CEP97: variants seen among roughly 807,000 people sequenced by gnomAD.
CEP97 encodes the protein centrosomal protein 97.
A neutral mutation model predicts 73.1 loss-of-function variants in CEP97; 43 were observed. The observed-to-expected ratio is 0.59, with a 90% confidence interval of 0.46 to 0.76. CEP97 has a LOEUF of 0.76. CEP97 is among the 30% of genes least tolerant of loss of function. The pLI, the probability that CEP97 is intolerant of heterozygous loss-of-function variation, is 0.00. For synonymous variants in CEP97, 337 were observed against 370.0 expected (o/e 0.91, Z 1.02); for missense variants, 939 against 1,014.0 (o/e 0.93, Z 1.00).
intron 6 of CEP97, among the ~76,000 whole-genome samples, chr3:101,733,302 A>T (rs1938171655): frequency 6.6e-6 from 1 of 151,990 alleles, no homozygotes; most frequent in African/African-American, 2.4e-5. Flanking sequence ...AGTCTCACAA[A>T]AGCTTGTAAT....
chr3:101,731,559 A>T (rs1292834353), intron 4 of CEP97, among the ~76,000 whole-genome samples: 1 of 152,198 alleles, frequency 6.6e-6, no homozygotes, highest in Non-Finnish European at 1.5e-5. Context: ...TCAGTGTCTC[A>T]TAAGTTAAAT....
chr3:101,730,521 C>T (rs1938075069), intron 4 of CEP97, among the ~76,000 whole-genome samples: 1 of 151,654 alleles, frequency 6.6e-6, no homozygotes, highest in Non-Finnish European at 1.5e-5. Context: ...GCCTCGGCCT[C>T]CCAAAGTGTT....
intron 4 of CEP97, among the ~76,000 whole-genome samples, chr3:101,730,053 G>A (rs1406775320): frequency 2.0e-5 from 3 of 152,050 alleles, no homozygotes; most frequent in South Asian, 2.1e-4. Context: ...TGATCCTCCT[G>A]CCTTGGCCTC....
intron 7 of CEP97, among the ~76,000 whole-genome samples, chr3:101,756,522 C>T (rs971773201): frequency 6.6e-6 from 1 of 151,800 alleles, no homozygotes; most frequent in East Asian, 1.9e-4. Context: ...ACTACAGGCA[C>T]GCACCACCAA....
intron 10 of CEP97, among the ~76,000 whole-genome samples, chr3:101,763,685 TA>T (rs1560022546): frequency 6.6e-6 from 1 of 152,214 alleles, no homozygotes; most frequent in Non-Finnish European, 1.5e-5. Flanking sequence ...CTTTAGAAAT[TA>T]GGGGTCATAT....
intron 6 of CEP97, among the ~76,000 whole-genome samples, chr3:101,753,732 G>A (rs1173819420): frequency 1.3e-5 from 2 of 152,230 alleles, no homozygotes; most frequent in Non-Finnish European, 2.9e-5. Flanking sequence ...ATCTCCTGGT[G>A]CACCGTTTTT....
intron 10 of CEP97, among the ~76,000 whole-genome samples, chr3:101,763,730 G>A (rs1274456144): frequency 6.6e-6 from 1 of 152,148 alleles, no homozygotes; most frequent in Non-Finnish European, 1.5e-5. Flanking sequence ...AGGTATTTTA[G>A]AAAGTTGCAT....
intron 9 of CEP97, among the ~76,000 whole-genome samples, chr3:101,760,633 C>G (rs566845674): frequency 3.2e-4 from 48 of 152,094 alleles, no homozygotes; most frequent in African/African-American, 1.1e-3. Context: ...TCTTGAACTC[C>G]TGGGTTCAAG....
At chr3:101,732,371 C>A in intron 5 of CEP97, 117 bp from the exon 6 acceptor site, 1 of 708,688 alleles carries the variant, frequency 1.4e-6, no homozygotes, top group Non-Finnish European at 2.3e-6. Flanking sequence ...TGTCACTTTT[C>A]AGAACAAGAG....
At position 101,727,199 on chromosome 3, in the gene CEP97, G is replaced by T. The variant is rs548330340; in HGVS notation, c.187-184G>T. Among the ~76,000 whole-genome samples the T allele has an allele frequency of 2.0e-5, 3 of 152,166 alleles. No individual in the cohort carries two copies. The South Asian group carries it at 6.2e-4, about 32-fold the overall frequency. On this transcript the variant is annotated intron_variant, in intron 2 of 10. Coordinates refer to ENST00000341893, the MANE Select transcript of CEP97 (RefSeq NM_024548.4). Reference sequence around the variant, plus strand: ...CTCAGCTTTATCTGTATTTTCTATTGCCCAGGAACAATAACAAAAAACTGA... The same window carrying T: ...CTCAGCTTTATCTGTATTTTCTATTTCCCAGGAACAATAACAAAAAACTGA...
At chr3:101,726,051 C>A (rs1937877115) in intron 1 of CEP97, among the ~76,000 whole-genome samples, 1 of 152,102 alleles carries the variant, frequency 6.6e-6, no homozygotes, top group Non-Finnish European at 1.5e-5. Flanking sequence ...TACTAAAGTG[C>A]CTTATTGAGT....
At chr3:101,737,423 A>C (rs1047704340) in intron 6 of CEP97, among the ~76,000 whole-genome samples, 7 of 152,212 alleles carry the variant, frequency 4.6e-5, no homozygotes, top group Non-Finnish European at 7.3e-5. Flanking sequence ...GAAGGAAAAA[A>C]TGTTAAGGGC....
At chr3:101,743,571 T>G (rs995947680) in intron 6 of CEP97, among the ~76,000 whole-genome samples, 1 of 152,084 alleles carries the variant, frequency 6.6e-6, no homozygotes, top group Non-Finnish European at 1.5e-5. Flanking sequence ...CATTTTTAAA[T>G]TTTTAGTTCA....
At chr3:101,763,553 G>A (rs993575708) in intron 10 of CEP97, among the ~76,000 whole-genome samples, 1 of 152,164 alleles carries the variant, frequency 6.6e-6, no homozygotes, top group East Asian at 1.9e-4. Context: ...AAGTCTGGAA[G>A]GATATGCATC....
intron 9 of CEP97, 72 bp downstream of exon 9, chr3:101,758,495 A>G: frequency 6.5e-7 from 1 of 1,541,464 alleles, no homozygotes; most frequent in East Asian, 2.3e-5. Context: ...TTGATTCAGA[A>G]CACTGTGCTT....
chr3:101,739,075 A>G (rs1222397406), intron 6 of CEP97, among the ~76,000 whole-genome samples: 1 of 152,216 alleles, frequency 6.6e-6, no homozygotes, highest in Non-Finnish European at 1.5e-5. Flanking sequence ...TCTAGAAGAA[A>G]TCAATACATT....
chr3:101,760,931 C>G (rs1939156627), intron 9 of CEP97, among the ~76,000 whole-genome samples: 1 of 151,992 alleles, frequency 6.6e-6, no homozygotes, highest in Non-Finnish European at 1.5e-5. Context: ...GGTGCGATCT[C>G]AGCTCATTGC....
At chr3:101,763,595 G>A (rs577801100) in intron 10 of CEP97, among the ~76,000 whole-genome samples, 17 of 152,200 alleles carry the variant, frequency 1.1e-4, no homozygotes, top group African/African-American at 4.1e-4. Flanking sequence ...TTGGGCGGGG[G>A]GTCAAAGGGA....
chr3:101,725,892 T>C (rs1236181964), intron 1 of CEP97, among the ~76,000 whole-genome samples: 1 of 148,942 alleles, frequency 6.7e-6, no homozygotes, highest in Non-Finnish European at 1.5e-5. Flanking sequence ...TTTTTTTACA[T>C]TATCTCATTT....
Sources: gnomAD v4.1 joint callset for allele counts (sites outside exome capture counted in the v4.1 genomes callset) on GRCh38, gnomAD v4.1.1 for gene constraint, MANE v1.5 for transcripts, NCBI Gene and HGNC (gene_info 2026-07-23, HGNC 2026-07-21) for gene names.